Variants in UBXN4 observed in about 807,000 individuals in gnomAD.
The protein encoded by UBXN4 is UBX domain-containing protein 4.
Under a neutral mutation model 66.2 loss-of-function variants are expected in UBXN4, and 35 were observed. The ratio of observed to expected loss-of-function variants is 0.53; its 90% CI spans 0.40 to 0.70. UBXN4 has a LOEUF of 0.70. UBXN4 is among the 30% of genes least tolerant of loss of function. The pLI is 0.00. For missense variants in UBXN4, 533 were observed against 599.8 expected (o/e 0.89, Z 1.16); for synonymous variants, 203 against 204.5 (o/e 0.99, Z 0.06).
chr2:135,759,792 A>T (rs1317302061), intron 5 of UBXN4, among the ~76,000 whole-genome samples: 2 of 47,756 alleles, frequency 4.2e-5, no homozygotes, highest in Admixed American at 4.4e-4. Flanking sequence ...TTTTTTTGAG[A>T]CAGTCTCGCT....
chr2:135,756,480 T>C (rs939849225), intron 5 of UBXN4, among the ~76,000 whole-genome samples: 2 of 152,334 alleles, frequency 1.3e-5, no homozygotes, highest in East Asian at 1.9e-4. Flanking sequence ...TTAACATTAA[T>C]GCTGCCTTGT....
intron 2 of UBXN4, among the ~76,000 whole-genome samples, chr2:135,753,260 G>A (rs1287750387): frequency 6.6e-6 from 1 of 152,138 alleles, no homozygotes; most frequent in East Asian, 1.9e-4. Context: ...TTGATCTCAA[G>A]TGATCTGCCT....
At chr2:135,765,442 C>G (rs1205586162) in intron 6 of UBXN4, among the ~76,000 whole-genome samples, 1 of 151,910 alleles carries the variant, frequency 6.6e-6, no homozygotes, top group Admixed American at 6.6e-5. Flanking sequence ...AACTCCTGAC[C>G]TCAGGTGATC....
rs1327526184 is a variant in UBXN4 at position 135,755,627 on chromosome 2, G to A, written c.444G>A (p.Gln148=). 1.2e-6 allele frequency: 2 copies of A among 1,607,364 alleles called. No homozygotes were observed. Among genetic ancestry groups the A allele is most frequent in the South Asian group, 2.2e-5 (2 of 89,994 alleles). ...CTAACAACACTTGTGAAAACTCTCA[G>A]TCCAGAAATGCAGAGCTTTGTGAGA... The part of the protein sequence containing the change: ...FEPNNTCENS[Q]SRNAELCEIP... The change falls in exon 5 of 13, where the codon CAG becomes CAA. Residue 148 remains glutamine, a synonymous_variant. Coordinates refer to ENST00000272638, the MANE Select transcript of UBXN4 (RefSeq NM_014607.4).
chr2:135,754,262 T>A lies in UBXN4; in HGVS notation c.318T>A (p.Ile106=). 1 of 1,613,436 alleles carries A rather than the reference T, an allele frequency of 6.2e-7. No individual in the cohort carries two copies. The highest frequency in any genetic ancestry group is 8.5e-7 in the Non-Finnish European group (1 of 1,179,410). The change falls in exon 4 of 13, where the codon ATT becomes ATA. Residue 106 remains isoleucine (I), a synonymous_variant. Coordinates refer to ENST00000272638, the MANE Select transcript of UBXN4 (RefSeq NM_014607.4). ...CTGCAGATGAACTTGTTACAAGAATTCACAAGGTCCGACAGGTAAGAAGGA... is the reference window on the plus strand; with the variant it reads ...CTGCAGATGAACTTGTTACAAGAATACACAAGGTCCGACAGGTAAGAAGGA... ...SVSADELVTR[I]HKVRQMHLLK...
At position 135,748,480 on chromosome 2, in the gene UBXN4, A is replaced by G. The variant is rs929730882; in HGVS notation, c.185+111A>G. ...TGTTGATGTTGGGCTGGGCACTCCCAGCACTTTGGGAGACTGAGGTGGGAG... is the reference window on the plus strand; with the variant it reads ...TGTTGATGTTGGGCTGGGCACTCCCGGCACTTTGGGAGACTGAGGTGGGAG... On this transcript the variant is annotated intron_variant, in intron 2 of 12. Coordinates refer to ENST00000272638, the MANE Select transcript of UBXN4 (RefSeq NM_014607.4). The G allele has an allele frequency of 1.3e-5, 10 of 788,124 alleles. No homozygotes were observed. In the African/African-American group the frequency reaches 1.8e-4, roughly 14 times the overall value. The allele number at this position is 788,124 out of a possible 1,614,324, so 48.8% of individuals were successfully genotyped here. A position where few individuals can be genotyped will look rare whatever the true frequency, so the allele number is the denominator to read the frequency against.
chr2:135,778,373 A>C (rs1413352295), intron 10 of UBXN4, among the ~76,000 whole-genome samples: 5 of 152,104 alleles, frequency 3.3e-5, no homozygotes, highest in Non-Finnish European at 7.4e-5. Context: ...AAGATTTTAC[A>C]AGTGATTTTT....
chr2:135,747,227 A>C (rs1237336333), intron 1 of UBXN4, among the ~76,000 whole-genome samples: 1 of 151,986 alleles, frequency 6.6e-6, no homozygotes, highest in Non-Finnish European at 1.5e-5. Context: ...GGGCACCTGT[A>C]ATTCCAGCTG....
chr2:135,762,169 G>T (rs977247498), intron 6 of UBXN4, among the ~76,000 whole-genome samples: 1 of 152,144 alleles, frequency 6.6e-6, no homozygotes, highest in Non-Finnish European at 1.5e-5. Flanking sequence ...TGGTACATGG[G>T]TGTTTCCATC....
intron 2 of UBXN4, among the ~76,000 whole-genome samples, chr2:135,753,197 T>G (rs1322017650): frequency 6.6e-6 from 1 of 151,192 alleles, no homozygotes; most frequent in East Asian, 1.9e-4. Context: ...CTAATTTTTG[T>G]ATTTTTAGTA....
chr2:135,772,866 G>A (rs984100093), intron 9 of UBXN4, among the ~76,000 whole-genome samples: 6 of 151,804 alleles, frequency 4.0e-5, no homozygotes, highest in African/African-American at 1.2e-4. Context: ...GTGAAACCCC[G>A]TCTCTACTAA....
At chr2:135,777,083 A>G (rs914424742) in intron 10 of UBXN4, among the ~76,000 whole-genome samples, 1 of 152,242 alleles carries the variant, frequency 6.6e-6, no homozygotes, top group African/African-American at 2.4e-5. Context: ...TTGGCTAAGG[A>G]AAAAGAGGCA....
rs1178730701 is a variant in UBXN4, at chr2:135,768,763, G to A, written c.603-1006G>A. On this transcript the variant is annotated intron_variant, in intron 6 of 12. Coordinates refer to ENST00000272638, the MANE Select transcript of UBXN4 (RefSeq NM_014607.4). ...TTTTTAGTAGAGACAGCGTTTCGCC[G>A]TGTTGGCCAGGCTAGTCTCAAACTC... Among the ~76,000 whole-genome samples the A allele has an allele frequency of 3.3e-5, 5 of 150,782 alleles. 1 individual carries two copies. Among genetic ancestry groups the A allele is most frequent in the South Asian group, 4.2e-4 (2 of 4,748 alleles).
chr2:135,760,040 C>CTACA (rs2077306003), intron 5 of UBXN4, among the ~76,000 whole-genome samples: 1 of 151,976 alleles, frequency 6.6e-6, no homozygotes, highest in Non-Finnish European at 1.5e-5. Context: ...AGTGCTGGGA[C>CTACA]TACAGGTGTG....
intron 10 of UBXN4, among the ~76,000 whole-genome samples, chr2:135,776,690 C>T (rs939761905): frequency 6.6e-6 from 1 of 152,196 alleles, no homozygotes; most frequent in African/African-American, 2.4e-5. Context: ...ACCTCCTGGG[C>T]TCAAGCGACC....
chr2:135,741,856 A>G lies in UBXN4; in HGVS notation c.-74A>G, dbSNP rs1251469663. 11 of 1,520,316 alleles carry G rather than the reference A, an allele frequency of 7.2e-6. No homozygotes were observed. The highest frequency in any genetic ancestry group is 1.7e-4 in the Middle Eastern group (1 of 5,824). 94.2% of individuals were successfully genotyped at this position (1,520,316 alleles called of 1,614,324 possible). A position where few individuals can be genotyped will look rare whatever the true frequency, so the allele number is the denominator to read the frequency against. On this transcript the variant is annotated 5_prime_UTR_variant, in exon 1 of 13. Transcript: ENST00000272638. ...GTTGCGGGGGCCGCAGAGCCGGACGAAGACGGAGGGCGGAGCCGGCTTCGG... is the reference window on the plus strand; with the variant it reads ...GTTGCGGGGGCCGCAGAGCCGGACGGAGACGGAGGGCGGAGCCGGCTTCGG...
At chr2:135,771,133 A>C (rs2077380320) in intron 8 of UBXN4, among the ~76,000 whole-genome samples, 1 of 151,916 alleles carries the variant, frequency 6.6e-6, no homozygotes, top group African/African-American at 2.4e-5. Context: ...TAGGCACATC[A>C]TAAAGCTTAG....
chr2:135,775,038 A>G (rs2077404806), intron 9 of UBXN4, among the ~76,000 whole-genome samples: 1 of 152,238 alleles, frequency 6.6e-6, no homozygotes, highest in South Asian at 2.1e-4. Context: ...GCCAGTAAGC[A>G]CATGAAAAGA....
At position 135,753,568 on chromosome 2, in the gene UBXN4, G is replaced by A; in HGVS notation, c.214+1G>A. On this transcript the variant is annotated splice_donor_variant, in intron 3 of 12. Transcript: ENST00000272638. LOFTEE classifies it high-confidence loss of function. The stretch of plus-strand genomic sequence containing the variant: ...GCCTGCCTACAGTTTTCACAAATCT[G>A]TATCCTTTCAGTAAAGAATGGCTTA... 1 of 1,531,484 alleles carries A rather than the reference G, an allele frequency of 6.5e-7. No homozygotes were observed. The highest frequency in any genetic ancestry group is 2.4e-5 in the Admixed American group (1 of 41,666). 94.9% of individuals were successfully genotyped at this position (1,531,484 alleles called of 1,614,324 possible).
Sources: allele counts gnomAD v4.1 joint callset (sites outside exome capture counted in the v4.1 genomes callset), GRCh38; gene constraint gnomAD v4.1.1; transcripts MANE v1.5; gene names NCBI Gene and HGNC (gene_info 2026-07-23, HGNC 2026-07-21).